The following TDP1 variants were observed in gnomAD, a reference collection of about 807,000 sequenced individuals.
TDP1 encodes the protein tyrosyl-DNA phosphodiesterase 1.
A neutral mutation model predicts 81.5 loss-of-function variants in TDP1; 64 were observed. The observed-to-expected ratio is 0.79, with a 90% confidence interval of 0.64 to 0.97. TDP1 has a LOEUF of 0.97. Ranked by LOEUF, TDP1 falls within the 50% of genes least tolerant of loss-of-function variation. TDP1 has a pLI of 0.00. For missense variants in TDP1, 723 were observed against 743.8 expected (o/e 0.97, Z 0.33); for synonymous variants, 256 against 264.3 (o/e 0.97, Z 0.30).
intron 15 of TDP1, among the ~76,000 whole-genome samples, chr14:90,032,493 C>G (rs1296241684): frequency 6.6e-6 from 1 of 152,024 alleles, no homozygotes; most frequent in Non-Finnish European, 1.5e-5. Context: ...TGCGGCAGGC[C>G]TTGTGTTGGA....
At chr14:89,975,535 AG>A (rs1894185104) in intron 6 of TDP1, 2 of 840,298 alleles carry the variant, frequency 2.4e-6, no homozygotes, top group African/African-American at 3.8e-5. Context: ...TTAAAAATGT[AG>A]TATATATTCT....
chr14:90,029,261 CA>C (rs1460676090), intron 15 of TDP1, among the ~76,000 whole-genome samples: 2 of 148,984 alleles, frequency 1.3e-5, no homozygotes, highest in Non-Finnish European at 3.0e-5. Flanking sequence ...GCAGTGGTGC[CA>C]TCCTGGCTCA....
At chr14:90,026,111 TC>T (rs1198030358) in intron 15 of TDP1, among the ~76,000 whole-genome samples, 1 of 152,260 alleles carries the variant, frequency 6.6e-6, no homozygotes, top group African/African-American at 2.4e-5. Context: ...TTTTCTCTGT[TC>T]TGTTTAAATT....
intron 15 of TDP1, among the ~76,000 whole-genome samples, chr14:90,022,121 T>TA (rs976057142): frequency 2.0e-5 from 3 of 152,186 alleles, no homozygotes; most frequent in African/African-American, 7.2e-5. Context: ...AGGGTGGTCA[T>TA]AGAGTCAGAT....
intron 6 of TDP1, chr14:89,975,386 C>A (rs1894164072): frequency 4.1e-6 from 4 of 985,150 alleles, no homozygotes; most frequent in South Asian, 9.4e-5. Context: ...TTCAGTGTTT[C>A]TTTTAAATAT....
intron 5 of TDP1, chr14:89,970,858 A>G: frequency 1.0e-5 from 7 of 670,506 alleles, no homozygotes; most frequent in Non-Finnish European, 1.1e-5. Context: ...TTTATTTTTG[A>G]GACAGAGTCT....
chr14:89,992,312 A>T (rs1403691332), intron 13 of TDP1, among the ~76,000 whole-genome samples: 1 of 152,240 alleles, frequency 6.6e-6, no homozygotes, highest in Non-Finnish European at 1.5e-5. Context: ...AAGTATCATT[A>T]TTCTGTCTGT....
In TDP1 at chr14:90,026,072, G is replaced by T. The variant is rs149592912; in HGVS notation, c.1644+6654G>T. ...GGGTCACTTGGTCCTGTGCTAGTGG[G>T]TTCCAAAAAGTCAAGTCTCTACTTT... is the stretch of plus-strand genomic sequence containing the variant. On this transcript the variant is annotated intron_variant, in intron 15 of 16. Transcript: ENST00000335725. 7.9e-5 allele frequency among the ~76,000 whole-genome samples: 12 copies of T among 152,334 alleles called. No individual in the cohort carries two copies. The East Asian group carries it at 1.7e-3, about 22-fold the overall frequency.
Position 90,036,186 on chromosome 14 carries a change from AC to A in TDP1, c.1753+2973del, listed in dbSNP as rs35803690. On this transcript the variant is annotated intron_variant, in intron 16 of 16. Transcript: ENST00000335725. Reference sequence around the variant, plus strand: ...AATAAATTTTTTAAAAAATAAAGATACATACAAGAGAGACTGGAGCATTTTA... The same window carrying A: ...AATAAATTTTTTAAAAAATAAAGATAATACAAGAGAGACTGGAGCATTTTA... Among the ~76,000 whole-genome samples, 357 of 152,318 alleles carry A rather than the reference AC, an allele frequency of 2.3e-3. 1 individual carries two copies. The highest frequency in any genetic ancestry group is 8.4e-3 in the African/African-American group (350 of 41,576).
intron 14 of TDP1, among the ~76,000 whole-genome samples, chr14:89,993,941 T>C (rs752919980): frequency 6.6e-6 from 1 of 152,220 alleles, no homozygotes; most frequent in Non-Finnish European, 1.5e-5. Flanking sequence ...AAGTCTCTAC[T>C]GTTTAATGGT....
intron 16 of TDP1, among the ~76,000 whole-genome samples, chr14:90,041,727 A>G (rs964046558): frequency 6.6e-6 from 1 of 152,208 alleles, no homozygotes; most frequent in African/African-American, 2.4e-5. Context: ...CCAAGACAAT[A>G]ATATGGGGAG....
At chr14:89,979,010 T>C (rs1894667347) in intron 7 of TDP1, among the ~76,000 whole-genome samples, 1 of 150,742 alleles carries the variant, frequency 6.6e-6, no homozygotes, top group South Asian at 2.1e-4. Context: ...ATAATGTTCA[T>C]GTTGTTTATT....
At chr14:89,975,590 T>G (rs1452233542) in intron 6 of TDP1, 191 bp from the exon 7 acceptor site, 44 of 731,028 alleles carry the variant, frequency 6.0e-5, no homozygotes, top group Admixed American at 1.3e-4. Context: ...TGTTTTTTTT[T>G]TTTTTTTTTT....
chr14:90,001,822 C>T (rs1897211131), intron 14 of TDP1, among the ~76,000 whole-genome samples: 1 of 152,010 alleles, frequency 6.6e-6, no homozygotes, highest in Non-Finnish European at 1.5e-5. Context: ...TTTGCTTGGT[C>T]CTTTTTTCAT....
rs34557102 is a variant in TDP1, at chr14:90,025,134, C to T, written c.1644+5716C>T. Among the ~76,000 whole-genome samples, 805 of 152,306 alleles carry T rather than the reference C, an allele frequency of 5.3e-3. 8 individuals are homozygous for T. The highest frequency in any genetic ancestry group is 0.019 in the African/African-American group (776 of 41,556). Reference sequence around the variant, plus strand: ...GGAGCCATTGTTGCAGATAGTCAAGCTTAGTGCCCAGAATGGCACAGTGTC... The same window carrying T: ...GGAGCCATTGTTGCAGATAGTCAAGTTTAGTGCCCAGAATGGCACAGTGTC... On this transcript the variant is annotated intron_variant, in intron 15 of 16. Transcript: ENST00000335725.
In TDP1 at chr14:89,993,385, A is replaced by T; in HGVS notation, c.1443A>T (p.Ser481=). 1 of 1,613,256 alleles carries T rather than the reference A, an allele frequency of 6.2e-7. No individual in the cohort carries two copies. ...TCTTTTCTGTCACTAGCAAATGGTC[A>T]GCTGAGACTTCTGGCCGCAGCAATG... ...NWLHSYFHKW[S]AETSGRSNAM... Residue 481 remains serine (S), a synonymous_variant, in exon 14 of 17, where the codon TCA becomes TCT. Transcript: ENST00000335725.
At chr14:90,028,761 C>G (rs1886930838) in intron 15 of TDP1, among the ~76,000 whole-genome samples, 1 of 152,092 alleles carries the variant, frequency 6.6e-6, no homozygotes, top group Admixed American at 6.6e-5. Context: ...TGGTTTCTGT[C>G]AGACAGGGAT....
At chr14:90,000,991 A>G (rs1373632372) in intron 14 of TDP1, among the ~76,000 whole-genome samples, 2 of 152,240 alleles carry the variant, frequency 1.3e-5, no homozygotes, top group Non-Finnish European at 2.9e-5. Context: ...GATTCATAGA[A>G]TCACAAAAGA....
chr14:90,019,204 A>C (rs1380012918), intron 14 of TDP1, 112 bp from the exon 15 acceptor site: 2 of 1,299,632 alleles, frequency 1.5e-6, no homozygotes, highest in Non-Finnish European at 2.2e-6. Context: ...AAAATGAATG[A>C]ATGTGATTGC....
Sources: gnomAD v4.1 joint callset for allele counts (sites outside exome capture counted in the v4.1 genomes callset) on GRCh38, gnomAD v4.1.1 for gene constraint, MANE v1.5 for transcripts, NCBI Gene and HGNC (gene_info 2026-07-23, HGNC 2026-07-21) for gene names.